Variants in PDS5A observed in about 807,000 individuals in gnomAD.
PDS5A encodes PDS5 cohesin associated factor A.
In PDS5A, 42 loss-of-function variants were observed where a neutral mutation model predicts 167.1. The observed-to-expected ratio is 0.25, with a 90% CI of 0.20 to 0.33. The LOEUF is 0.33. Among genes scored for constraint, PDS5A ranks in the 10% least tolerant of loss-of-function variants. The probability of loss-of-function intolerance (pLI) is 1.00; values close to 1 mark genes in which losing one functional copy is unlikely to be tolerated. For missense variants in PDS5A, 1,033 were observed against 1,605.9 expected (o/e 0.64, Z 6.10); for synonymous variants, 553 against 554.6 (o/e 1.00, Z 0.04).
rs753139588 is a variant in PDS5A, at chr4:39,877,108, A to T, written c.2038T>A (p.Tyr680Asn). ...CTTAGGCACTGTAACAAGGACTCATATGTCTCTGCAGAGTGGAACGAGGTA... is the reference window on the plus strand; with the variant it reads ...CTTAGGCACTGTAACAAGGACTCATTTGTCTCTGCAGAGTGGAACGAGGTA... The part of the protein sequence containing the change: ...HPTSFHSAET[Y>N]ESLLQCLRME... Residue 680 changes from tyrosine (Y) to asparagine (N), a missense_variant, in exon 19 of 33, where the codon TAT becomes AAT. Coordinates refer to ENST00000303538, the MANE Select transcript of PDS5A (RefSeq NM_001100399.2). 6.2e-7 allele frequency: 1 copy of T among 1,607,940 alleles called. No individual in the cohort carries two copies. The highest frequency in any genetic ancestry group is 8.5e-7 in the Non-Finnish European group (1 of 1,175,072).
At chr4:39,944,906 T>C (rs1727604906) in intron 2 of PDS5A, among the ~76,000 whole-genome samples, 1 of 152,164 alleles carries the variant, frequency 6.6e-6, no homozygotes, top group East Asian at 1.9e-4. Flanking sequence ...TTTTTTTCTT[T>C]ACAGCTCAAA....
At chr4:39,919,085 A>AC (rs1560483276) in intron 7 of PDS5A, among the ~76,000 whole-genome samples, 1 of 152,202 alleles carries the variant, frequency 6.6e-6, no homozygotes, top group African/African-American at 2.4e-5. Context: ...ATTATTGTTT[A>AC]ATCTGTTTAA....
At chr4:39,964,649 T>C (rs148905910) in intron 2 of PDS5A, among the ~76,000 whole-genome samples, 8 of 152,162 alleles carry the variant, frequency 5.3e-5, no homozygotes, top group African/African-American at 1.9e-4. Flanking sequence ...GAGCCGAGAT[T>C]GTGCCAGTGC....
At chr4:39,890,543 AAAG>A (rs150435464) in intron 16 of PDS5A, among the ~76,000 whole-genome samples, 179 bp from the exon 17 acceptor site, 1,694 of 152,340 alleles carry the variant, frequency 0.011, 31 homozygotes, top group African/African-American at 0.038. Flanking sequence ...ACAGCAGAGA[AAAG>A]AAGTGGATGA....
chr4:39,895,692 T>C (rs925175642), intron 16 of PDS5A, among the ~76,000 whole-genome samples: 1 of 152,152 alleles, frequency 6.6e-6, no homozygotes, highest in Non-Finnish European at 1.5e-5. Flanking sequence ...ATATTTTTAC[T>C]TGATGAACTT....
intron 27 of PDS5A, 72 bp from the exon 28 acceptor site, chr4:39,849,042 G>C: frequency 1.9e-6 from 2 of 1,046,244 alleles, no homozygotes; most frequent in Non-Finnish European, 2.8e-6. Flanking sequence ...TCCACTAAAT[G>C]TATAATTTAG....
intron 23 of PDS5A, 64 bp from the exon 24 acceptor site, chr4:39,863,523 C>T (rs368521626): frequency 1.7e-5 from 21 of 1,267,856 alleles, no homozygotes; most frequent in Admixed American, 7.4e-5. Flanking sequence ...AAAATGCTTT[C>T]GTCCCTTTTT....
intron 32 of PDS5A, 33 bp downstream of exon 32, chr4:39,837,823 A>T (rs1369133573): frequency 6.6e-7 from 1 of 1,506,298 alleles, no homozygotes; most frequent in East Asian, 2.3e-5. Flanking sequence ...AAAATGTCTA[A>T]ATTCCCACTT....
At chr4:39,912,223 T>A (rs1560477090) in intron 9 of PDS5A, among the ~76,000 whole-genome samples, 2 of 152,262 alleles carry the variant, frequency 1.3e-5, no homozygotes, top group Non-Finnish European at 2.9e-5. Flanking sequence ...GACTTGTTTC[T>A]ATGAATCAGA....
At chr4:39,854,423 G>A (rs1718366599) in intron 26 of PDS5A, among the ~76,000 whole-genome samples, 1 of 152,184 alleles carries the variant, frequency 6.6e-6, no homozygotes, top group Non-Finnish European at 1.5e-5. Context: ...ATGAATGTTA[G>A]CTGGTTCCTG....
chr4:39,976,681 C>T (rs1457536271), intron 1 of PDS5A, 64 bp from the exon 2 acceptor site: 1 of 839,910 alleles, frequency 1.2e-6, no homozygotes, highest in African/African-American at 1.7e-5. Flanking sequence ...TTTTTCATTT[C>T]AAATCTCTCT....
chr4:39,929,892 T>C lies in PDS5A; in HGVS notation c.139-1728A>G, dbSNP rs554086742. On this transcript the variant is annotated intron_variant, in intron 2 of 32. Coordinates refer to ENST00000303538, the MANE Select transcript of PDS5A (RefSeq NM_001100399.2). Reference sequence around the variant, plus strand: ...TCCCAAGTAGGTGGATCTACAAGCATGTGTCACTATACCTGGCTAATCAAA... The same window carrying C: ...TCCCAAGTAGGTGGATCTACAAGCACGTGTCACTATACCTGGCTAATCAAA... Among the ~76,000 whole-genome samples, 39 of 149,270 alleles carry C rather than the reference T, an allele frequency of 2.6e-4. No individual in the cohort carries two copies. The South Asian group carries it at 4.9e-3, about 19-fold the overall frequency.
intron 2 of PDS5A, among the ~76,000 whole-genome samples, chr4:39,936,440 T>G (rs1228097161): frequency 7.1e-6 from 1 of 140,928 alleles, no homozygotes; most frequent in Non-Finnish European, 1.6e-5. Context: ...TATTTATTAT[T>G]TATTATTTAT....
chr4:39,886,544 T>C (rs1391726571), intron 17 of PDS5A, among the ~76,000 whole-genome samples: 1 of 151,852 alleles, frequency 6.6e-6, no homozygotes, highest in Admixed American at 6.6e-5. Context: ...AGAAACCCCA[T>C]CTCTACTAAA....
intron 2 of PDS5A, among the ~76,000 whole-genome samples, chr4:39,957,522 T>G (rs1439516778): frequency 6.6e-6 from 1 of 152,036 alleles, no homozygotes; most frequent in Non-Finnish European, 1.5e-5. Flanking sequence ...CCAGGCACAG[T>G]GGCCTGTAAT....
Position 39,917,042 on chromosome 4 carries a change from T to C in PDS5A, c.876+6A>G. On this transcript the variant is annotated splice_donor_region_variant and intron_variant, in intron 8 of 32. Coordinates refer to ENST00000303538, the MANE Select transcript of PDS5A (RefSeq NM_001100399.2). ...AAAAAAAAAAAAGAAAACTGGTCAATCTTACCTTTAGTTTGAATTCAAGCT... is the reference window on the plus strand; with the variant it reads ...AAAAAAAAAAAAGAAAACTGGTCAACCTTACCTTTAGTTTGAATTCAAGCT... The C allele has an allele frequency of 7.0e-7, 1 of 1,438,094 alleles. No homozygotes were observed. Among genetic ancestry groups the C allele is most frequent in the South Asian group, 1.5e-5 (1 of 67,784 alleles). 89.1% of individuals were successfully genotyped at this position (1,438,094 alleles called of 1,614,324 possible).
intron 2 of PDS5A, among the ~76,000 whole-genome samples, chr4:39,947,558 A>G (rs1727897907): frequency 6.6e-6 from 1 of 152,206 alleles, no homozygotes; most frequent in African/African-American, 2.4e-5. Context: ...TGGAAGAAGA[A>G]TTGTCTTGGA....
chr4:39,912,739 G>C (rs1724001081), intron 9 of PDS5A, among the ~76,000 whole-genome samples: 1 of 152,178 alleles, frequency 6.6e-6, no homozygotes, highest in South Asian at 2.1e-4. Context: ...TAAATGGAAT[G>C]CAAGGAGAAA....
At chr4:39,963,352 A>C (rs565578963) in intron 2 of PDS5A, among the ~76,000 whole-genome samples, 3 of 151,188 alleles carry the variant, frequency 2.0e-5, no homozygotes, top group African/African-American at 4.9e-5. Flanking sequence ...CCAGCTACTC[A>C]GGGGGCTGAG....
Sources: allele counts gnomAD v4.1 joint callset (sites outside exome capture counted in the v4.1 genomes callset), GRCh38; gene constraint gnomAD v4.1.1; transcripts MANE v1.5; gene names NCBI Gene and HGNC (gene_info 2026-07-23, HGNC 2026-07-21).